Variants in WWOX observed in about 807,000 individuals in gnomAD.
WWOX encodes WW domain containing oxidoreductase, also known as WW domain-containing oxidoreductase.
A neutral mutation model predicts 46.2 loss-of-function variants in WWOX; 69 were observed. The observed-to-expected ratio is 1.49, with a 90% CI of 1.23 to 1.82. The LOEUF (loss-of-function observed/expected upper bound fraction) is 1.82, where lower values mean the gene tolerates loss of function less well. Among genes scored for constraint, WWOX ranks in the 40% most tolerant of loss-of-function variants. WWOX has a pLI of 0.00. For missense variants in WWOX, 919 were observed against 542.6 expected, an observed-to-expected ratio of 1.69 and a Z score of -6.89; for synonymous variants, 359 against 202.6, an observed-to-expected ratio of 1.77 and a Z score of -6.56.
rs189429065 is a variant in WWOX at position 78,308,702 on chromosome 16, A to C, written c.517-78158A>C. On this transcript the variant is annotated intron_variant, in intron 5 of 8. Coordinates refer to ENST00000566780, the MANE Select transcript of WWOX (RefSeq NM_016373.4). ...GTCTGGCACCTTTTTAGTTTTGATAAGAGATATTTACCATTTATTCTCTCT... is the reference window on the plus strand; with the variant it reads ...GTCTGGCACCTTTTTAGTTTTGATACGAGATATTTACCATTTATTCTCTCT... Among the ~76,000 whole-genome samples the C allele has an allele frequency of 3.1e-3, 479 of 152,230 alleles. 2 individuals carry two copies. Among genetic ancestry groups the C allele is most frequent in the African/African-American group, 0.011 (460 of 41,522 alleles).
In WWOX at chr16:78,962,663, C is replaced by G. The variant is rs535312675; in HGVS notation, c.1057-248945C>G. 2.0e-3 allele frequency among the ~76,000 whole-genome samples: 302 copies of G among 152,230 alleles called. 1 individual carries two copies. The highest frequency in any genetic ancestry group is 7.0e-3 in the African/African-American group (289 of 41,528). On this transcript the variant is annotated intron_variant, in intron 8 of 8. Transcript: ENST00000566780. ...AGAATCTAACTTGAGATGTATCATT[C>G]CTACGGTAAGGTGCACACACATTAA...
chr16:78,692,371 T>C (rs2048009308), intron 8 of WWOX, among the ~76,000 whole-genome samples: 1 of 152,194 alleles, frequency 6.6e-6, no homozygotes, highest in Non-Finnish European at 1.5e-5. Context: ...TCCCAAAGCT[T>C]CAGTCCTTAC....
At chr16:78,212,185 C>T (rs1377277644) in intron 5 of WWOX, among the ~76,000 whole-genome samples, 1 of 152,184 alleles carries the variant, frequency 6.6e-6, no homozygotes, top group East Asian at 1.9e-4. Context: ...CATTTCAGCT[C>T]TCTGCTTCTT....
At chr16:78,873,659 G>T (rs1388732043) in intron 8 of WWOX, among the ~76,000 whole-genome samples, 1 of 152,014 alleles carries the variant, frequency 6.6e-6, no homozygotes, top group African/African-American at 2.4e-5. Context: ...GCATGATGTT[G>T]CATGCCTGTC....
At chr16:79,130,841 C>G (rs1335287838) in intron 8 of WWOX, among the ~76,000 whole-genome samples, 2 of 152,176 alleles carry the variant, frequency 1.3e-5, no homozygotes, top group East Asian at 1.9e-4. Flanking sequence ...GTTCTCCGCA[C>G]AGTGCGGAGC....
At chr16:79,111,576 TA>T (rs1462998943) in intron 8 of WWOX, among the ~76,000 whole-genome samples, 2 of 151,998 alleles carry the variant, frequency 1.3e-5, no homozygotes, top group Non-Finnish European at 2.9e-5. Context: ...GATGGGGGAA[TA>T]AAAGCCAGAA....
At chr16:78,929,542 A>C (rs1228761395) in intron 8 of WWOX, among the ~76,000 whole-genome samples, 1 of 152,160 alleles carries the variant, frequency 6.6e-6, no homozygotes, top group African/African-American at 2.4e-5. Flanking sequence ...TCCGAGTGAG[A>C]TGGCCATACC....
intron 8 of WWOX, among the ~76,000 whole-genome samples, chr16:78,466,847 CAAAAA>C (rs111862787): frequency 6.8e-6 from 1 of 146,546 alleles, no homozygotes; most frequent in Admixed American, 6.8e-5. Flanking sequence ...GACTCCGTCT[CAAAAA>C]AAAAAGCACA....
At chr16:78,504,023 C>T (rs1482219057) in intron 8 of WWOX, among the ~76,000 whole-genome samples, 4 of 152,154 alleles carry the variant, frequency 2.6e-5, no homozygotes, top group African/African-American at 7.2e-5. Context: ...CATTCAAATA[C>T]ATCTTAAAGA....
chr16:78,419,976 A>G (rs990175506), intron 6 of WWOX, among the ~76,000 whole-genome samples: 28 of 152,164 alleles, frequency 1.8e-4, no homozygotes, highest in African/African-American at 6.5e-4. Flanking sequence ...ATAAGATCTA[A>G]ATAGATATTC....
intron 5 of WWOX, chr16:78,241,074 C>G (rs2037628956): frequency 6.6e-6 from 1 of 152,394 alleles, no homozygotes; most frequent in Non-Finnish European, 1.5e-5. Context: ...CGGTACTCAC[C>G]TCTATTCACT....
chr16:79,021,295 G>T (rs919633991), intron 8 of WWOX, among the ~76,000 whole-genome samples: 5 of 152,144 alleles, frequency 3.3e-5, no homozygotes, highest in African/African-American at 1.2e-4. Flanking sequence ...AGGCACGCAG[G>T]ATGCAAGATT....
chr16:78,190,162 C>T (rs888163719), intron 5 of WWOX, among the ~76,000 whole-genome samples: 2 of 152,156 alleles, frequency 1.3e-5, no homozygotes, highest in African/African-American at 4.8e-5. Flanking sequence ...ATGGTTGGTG[C>T]TAAGATGAGC....
At chr16:79,036,897 T>G (rs930460910) in intron 8 of WWOX, among the ~76,000 whole-genome samples, 2 of 152,194 alleles carry the variant, frequency 1.3e-5, no homozygotes, top group African/African-American at 4.8e-5. Context: ...AGGGATTCTT[T>G]CAGATGGGCA....
At chr16:78,519,336 G>C (rs2043301036) in intron 8 of WWOX, among the ~76,000 whole-genome samples, 1 of 152,142 alleles carries the variant, frequency 6.6e-6, no homozygotes, top group African/African-American at 2.4e-5. Context: ...TCTGGTAATA[G>C]TCATCTTCAC....
intron 8 of WWOX, among the ~76,000 whole-genome samples, chr16:78,995,313 C>T (rs2046968284): frequency 6.6e-6 from 1 of 152,130 alleles, no homozygotes; most frequent in South Asian, 2.1e-4. Flanking sequence ...TGCCCCTTGC[C>T]CAATTCCCTC....
At chr16:78,641,378 G>A (rs910395818) in intron 8 of WWOX, among the ~76,000 whole-genome samples, 9 of 152,054 alleles carry the variant, frequency 5.9e-5, no homozygotes, top group African/African-American at 1.9e-4. Context: ...TTTAATTGCT[G>A]CACTTGTAGT....
chr16:78,278,998 C>G (rs528439797), intron 5 of WWOX, among the ~76,000 whole-genome samples: 19 of 152,220 alleles, frequency 1.2e-4, no homozygotes, highest in African/African-American at 4.6e-4. Flanking sequence ...CTGAGGGATG[C>G]TAGCTCGTTA....
chr16:79,182,249 G>C (rs2050926969), intron 8 of WWOX, among the ~76,000 whole-genome samples: 1 of 151,894 alleles, frequency 6.6e-6, no homozygotes. Flanking sequence ...ACACGTCTTT[G>C]TACTGCACAC....
Sources: allele counts gnomAD v4.1 joint callset (sites outside exome capture counted in the v4.1 genomes callset), GRCh38; gene constraint gnomAD v4.1.1; transcripts MANE v1.5; gene names NCBI Gene and HGNC (gene_info 2026-07-23, HGNC 2026-07-21).